Variants in CMSS1 observed in about 807,000 individuals in gnomAD.
The protein encoded by CMSS1 is protein CMSS1.
A neutral mutation model predicts 43.5 loss-of-function variants in CMSS1; 33 were observed. The observed-to-expected ratio is 0.76, with a 90% CI of 0.57 to 1.01. The LOEUF (loss-of-function observed/expected upper bound fraction) is 1.01, where lower values mean the gene tolerates loss of function less well. CMSS1 is among the 50% of genes least tolerant of loss of function. CMSS1 has a pLI of 0.00. For missense variants in CMSS1, 313 were observed against 326.4 expected, an observed-to-expected ratio of 0.96 and a Z score of 0.32; for synonymous variants, 115 against 117.2, an observed-to-expected ratio of 0.98 and a Z score of 0.12.
intron 4 of CMSS1, among the ~76,000 whole-genome samples, chr3:100,163,158 T>G (rs1576116910): frequency 1.3e-5 from 2 of 152,312 alleles, no homozygotes; most frequent in African/African-American, 4.8e-5. Context: ...TGGGTGTGCA[T>G]TTTTAACAAA....
chr3:99,928,226 A>C (rs1380706588), intron 1 of CMSS1, among the ~76,000 whole-genome samples: 1 of 152,026 alleles, frequency 6.6e-6, no homozygotes, highest in East Asian at 1.9e-4. Flanking sequence ...ATTCCCCTTC[A>C]CTGTTTATTT....
intron 1 of CMSS1, among the ~76,000 whole-genome samples, chr3:100,066,517 CTTTTTTTTTT>C (rs545356638): frequency 7.8e-5 from 3 of 38,304 alleles, no homozygotes; most frequent in East Asian, 8.1e-4. Context: ...GGCTTTGCTT[CTTTTTTTTTT>C]TTTTTTTTTT....
intron 1 of CMSS1, among the ~76,000 whole-genome samples, chr3:99,965,942 A>G (rs1212691991): frequency 6.6e-6 from 1 of 152,050 alleles, no homozygotes; most frequent in Non-Finnish European, 1.5e-5. Flanking sequence ...GCCTGCCACC[A>G]GTTCTCCACT....
chr3:100,126,759 G>C (rs554107867), intron 1 of CMSS1, among the ~76,000 whole-genome samples: 1 of 152,292 alleles, frequency 6.6e-6, no homozygotes, highest in Admixed American at 6.5e-5. Flanking sequence ...AGCACTTTGG[G>C]AGGCCGAGGC....
intron 1 of CMSS1, among the ~76,000 whole-genome samples, chr3:99,964,135 T>C (rs1002977793): frequency 2.6e-5 from 4 of 152,006 alleles, no homozygotes; most frequent in South Asian, 2.1e-4. Context: ...TATAGACTTA[T>C]ATGCTCAGTA....
rs116779530 is a variant in CMSS1, at chr3:100,111,433, A to G, written c.65-35540A>G. Reference sequence around the variant, plus strand: ...AAAACTTAGTTTATCTATCTGCTGAACAGGGAATGGTAATACCTGCCTTTC... The same window carrying G: ...AAAACTTAGTTTATCTATCTGCTGAGCAGGGAATGGTAATACCTGCCTTTC... On this transcript the variant is annotated intron_variant, in intron 1 of 9. Transcript: ENST00000421999. Among the ~76,000 whole-genome samples, 690 of 152,330 alleles carry G rather than the reference A, an allele frequency of 4.5e-3. 6 individuals are homozygous for G. Among genetic ancestry groups the G allele is most frequent in the African/African-American group, 0.016 (675 of 41,586 alleles).
chr3:100,009,091 C>T (rs1576637672), intron 1 of CMSS1, among the ~76,000 whole-genome samples: 1 of 152,114 alleles, frequency 6.6e-6, no homozygotes, highest in African/African-American at 2.4e-5. Flanking sequence ...AAAAATAAAG[C>T]TTCTTTGGCC....
chr3:100,000,808 T>C (rs1256826847), intron 1 of CMSS1, among the ~76,000 whole-genome samples: 2 of 152,258 alleles, frequency 1.3e-5, no homozygotes, highest in Admixed American at 1.3e-4. Context: ...TTGAAATGTG[T>C]ACACAAATAA....
intron 1 of CMSS1, among the ~76,000 whole-genome samples, chr3:99,961,781 T>C (rs551651992): frequency 5.3e-4 from 81 of 152,284 alleles, no homozygotes; most frequent in Non-Finnish European, 1.0e-4. Flanking sequence ...ATCTTGCCTT[T>C]CCCCCTTTCT....
chr3:99,825,750 A>G (rs1942524005), intron 1 of CMSS1, among the ~76,000 whole-genome samples: 1 of 151,248 alleles, frequency 6.6e-6, no homozygotes, highest in Non-Finnish European at 1.5e-5. Flanking sequence ...TTGTGGCACA[A>G]ATCTTTTTTT....
intron 1 of CMSS1, among the ~76,000 whole-genome samples, chr3:100,133,481 A>G (rs2066726544): frequency 6.6e-6 from 1 of 152,016 alleles, no homozygotes; most frequent in African/African-American, 2.4e-5. Flanking sequence ...ACTTTTCTGC[A>G]TTTTCTAAAA....
At chr3:99,929,885 C>T (rs1410207845) in intron 1 of CMSS1, 2 of 1,613,538 alleles carry the variant, frequency 1.2e-6, no homozygotes, top group Middle Eastern at 1.7e-4. Context: ...TAGATGTCCT[C>T]CTGCCAAGGG....
At chr3:100,043,128 G>A (rs2065231314) in intron 1 of CMSS1, among the ~76,000 whole-genome samples, 2 of 152,210 alleles carry the variant, frequency 1.3e-5, no homozygotes, top group Non-Finnish European at 1.5e-5. Flanking sequence ...CAAGTATCCT[G>A]TGTCTCAAAT....
chr3:99,892,735 C>T (rs1706124171), intron 1 of CMSS1, among the ~76,000 whole-genome samples: 1 of 152,160 alleles, frequency 6.6e-6, no homozygotes, highest in Non-Finnish European at 1.5e-5. Context: ...CTCACCCACC[C>T]TCAAAGGCTT....
intron 1 of CMSS1, among the ~76,000 whole-genome samples, chr3:100,015,953 AAGAC>A (rs1223737222): frequency 2.0e-5 from 3 of 152,200 alleles, no homozygotes; most frequent in African/African-American, 4.8e-5. Context: ...AATTCACAAA[AAGAC>A]AGATTGCCTT....
At chr3:100,033,037 G>A (rs1421216005) in intron 1 of CMSS1, among the ~76,000 whole-genome samples, 1 of 150,818 alleles carries the variant, frequency 6.6e-6, no homozygotes, top group Non-Finnish European at 1.5e-5. Flanking sequence ...CCACTCTACT[G>A]TTACCATTGA....
chr3:99,884,700 T>G (rs1705835963), intron 1 of CMSS1, among the ~76,000 whole-genome samples: 1 of 152,232 alleles, frequency 6.6e-6, no homozygotes, highest in Non-Finnish European at 1.5e-5. Context: ...AAGAAAGAGA[T>G]AACAATCATG....
At chr3:100,141,917 A>T (rs2066808727) in intron 1 of CMSS1, among the ~76,000 whole-genome samples, 1 of 152,186 alleles carries the variant, frequency 6.6e-6, no homozygotes, top group African/African-American at 2.4e-5. Flanking sequence ...GAACCTGAGT[A>T]CTGGAGCCAA....
At chr3:99,891,433 T>A (rs1220944644) in intron 1 of CMSS1, among the ~76,000 whole-genome samples, 1 of 152,236 alleles carries the variant, frequency 6.6e-6, no homozygotes, top group African/African-American at 2.4e-5. Context: ...TGTGCTTTGC[T>A]TTACCTTTCT....
Sources: gnomAD v4.1 joint callset for allele counts (sites outside exome capture counted in the v4.1 genomes callset) on GRCh38, gnomAD v4.1.1 for gene constraint, MANE v1.5 for transcripts, NCBI Gene and HGNC (gene_info 2026-07-23, HGNC 2026-07-21) for gene names.